CTNND2: variants seen among roughly 807,000 people sequenced by gnomAD.
The protein encoded by CTNND2 is catenin delta-2.
In CTNND2, 22 loss-of-function variants were observed where a neutral mutation model predicts 144.4. The observed-to-expected ratio is 0.15, with a 90% CI of 0.11 to 0.22. The LOEUF (loss-of-function observed/expected upper bound fraction) is 0.22. Ranked by LOEUF, CTNND2 falls within the 10% of genes least tolerant of loss-of-function variation. The probability of loss-of-function intolerance (pLI) is 1.00; values close to 1 mark genes in which losing one functional copy is unlikely to be tolerated. For missense variants in CTNND2, 1,353 were observed against 1,618.8 expected (o/e 0.84, Z 2.82); for synonymous variants, 751 against 695.6 (o/e 1.08, Z -1.25).
At chr5:11,108,229 G>A (rs1234209535) in intron 14 of CTNND2, among the ~76,000 whole-genome samples, 1 of 152,218 alleles carries the variant, frequency 6.6e-6, no homozygotes, top group Non-Finnish European at 1.5e-5. Context: ...ATGAACAGAA[G>A]CGTAGAGGCT....
intron 8 of CTNND2, among the ~76,000 whole-genome samples, chr5:11,348,036 G>A (rs1372665178): frequency 6.6e-6 from 1 of 152,094 alleles, no homozygotes; most frequent in Non-Finnish European, 1.5e-5. Context: ...AGGAAATTAG[G>A]TTCCGTGACA....
intron 18 of CTNND2, among the ~76,000 whole-genome samples, chr5:10,994,492 G>C (rs1258528752): frequency 6.9e-6 from 1 of 145,814 alleles, no homozygotes; most frequent in East Asian, 2.1e-4. Flanking sequence ...GGAGGGGCGG[G>C]GTGGGTATAG....
chr5:11,176,686 G>A (rs1316385459), intron 11 of CTNND2, among the ~76,000 whole-genome samples: 2 of 152,002 alleles, frequency 1.3e-5, no homozygotes, highest in Admixed American at 6.6e-5. Flanking sequence ...TTGCAATAAT[G>A]GGAACTCAAG....
At chr5:11,063,555 G>T (rs536620616) in intron 16 of CTNND2, among the ~76,000 whole-genome samples, 2,055 of 106,722 alleles carry the variant, frequency 0.019, 42 homozygotes, top group African/African-American at 0.13. Context: ...ATTAATCAGG[G>T]TAAAATTTTC....
chr5:11,156,384 A>C (rs947330672), intron 12 of CTNND2, among the ~76,000 whole-genome samples: 5 of 152,200 alleles, frequency 3.3e-5, no homozygotes, highest in African/African-American at 1.2e-4. Flanking sequence ...AGGAAGAAAA[A>C]TCAAGAGTAA....
At chr5:11,049,434 A>G (rs895193029) in intron 16 of CTNND2, among the ~76,000 whole-genome samples, 5 of 152,250 alleles carry the variant, frequency 3.3e-5, no homozygotes, top group Admixed American at 3.3e-4. Context: ...GCATTGGCAC[A>G]GACAGTACAC....
chr5:11,739,471 G>A (rs1247292546), intron 1 of CTNND2, among the ~76,000 whole-genome samples: 1 of 152,182 alleles, frequency 6.6e-6, no homozygotes, highest in East Asian at 1.9e-4. Flanking sequence ...ATCTACCTAT[G>A]ACTCTTATGT....
intron 3 of CTNND2, among the ~76,000 whole-genome samples, chr5:11,510,712 C>G (rs1246294921): frequency 6.6e-6 from 1 of 152,190 alleles, no homozygotes; most frequent in Non-Finnish European, 1.5e-5. Context: ...GGGCGGATCA[C>G]TTGAGGCCAG....
chr5:11,112,543 T>C (rs1345887996), intron 13 of CTNND2, among the ~76,000 whole-genome samples: 1 of 152,212 alleles, frequency 6.6e-6, no homozygotes, highest in Non-Finnish European at 1.5e-5. Flanking sequence ...AGCTATAAGA[T>C]CATAAATGTG....
chr5:11,019,980 A>T (rs1365086525), intron 17 of CTNND2, among the ~76,000 whole-genome samples: 3 of 152,232 alleles, frequency 2.0e-5, no homozygotes, highest in Admixed American at 6.5e-5. Context: ...CGAGTATAAG[A>T]CTACTATAAG....
chr5:11,895,667 C>A (rs1052146370), intron 1 of CTNND2, among the ~76,000 whole-genome samples: 1 of 79,256 alleles, frequency 1.3e-5, no homozygotes, highest in African/African-American at 3.2e-5. Flanking sequence ...AATTATGCTC[C>A]CAAAATAGGA....
chr5:11,529,521 A>G (rs1773552865), intron 3 of CTNND2, among the ~76,000 whole-genome samples: 1 of 152,236 alleles, frequency 6.6e-6, no homozygotes, highest in East Asian at 1.9e-4. Context: ...AACTCACGGG[A>G]AAAAAAATGA....
At chr5:11,605,889 T>G (rs1306770182) in intron 2 of CTNND2, among the ~76,000 whole-genome samples, 1 of 152,140 alleles carries the variant, frequency 6.6e-6, no homozygotes, top group Non-Finnish European at 1.5e-5. Flanking sequence ...TTCACTGAGG[T>G]TCTACTGTGA....
At chr5:11,206,904 C>T (rs1738105081) in intron 10 of CTNND2, among the ~76,000 whole-genome samples, 1 of 152,174 alleles carries the variant, frequency 6.6e-6, no homozygotes, top group Non-Finnish European at 1.5e-5. Context: ...CACTTACTCT[C>T]TCTCTCTCTC....
chr5:11,421,651 C>A (rs73742836), intron 3 of CTNND2, among the ~76,000 whole-genome samples: 1 of 152,116 alleles, frequency 6.6e-6, no homozygotes, highest in Non-Finnish European at 1.5e-5. Context: ...CCAGGCATGG[C>A]GGTGTCTGCA....
chr5:11,086,816 T>G (rs1185894115), intron 15 of CTNND2, among the ~76,000 whole-genome samples: 1 of 152,228 alleles, frequency 6.6e-6, no homozygotes, highest in East Asian at 1.9e-4. Context: ...TCCCCCTTGC[T>G]GAAACTGAGG....
chr5:11,535,760 C>A (rs2150061845), intron 3 of CTNND2, among the ~76,000 whole-genome samples: 1 of 152,280 alleles, frequency 6.6e-6, no homozygotes, highest in Non-Finnish European at 1.5e-5. Context: ...TTACAAAGAT[C>A]TTTATTCCCC....
At chr5:11,667,684 G>T (rs1278409277) in intron 2 of CTNND2, among the ~76,000 whole-genome samples, 1 of 152,252 alleles carries the variant, frequency 6.6e-6, no homozygotes, top group Non-Finnish European at 1.5e-5. Flanking sequence ...CAGATGGATG[G>T]ATTGCAAAAA....
chr5:11,677,258 G>T (rs1431816890), intron 2 of CTNND2, among the ~76,000 whole-genome samples: 1 of 152,204 alleles, frequency 6.6e-6, no homozygotes, highest in Non-Finnish European at 1.5e-5. Context: ...TAAGGCAAAT[G>T]CCTCATCATA....
Sources: allele counts gnomAD v4.1 joint callset (sites outside exome capture counted in the v4.1 genomes callset), GRCh38; gene constraint gnomAD v4.1.1; transcripts MANE v1.5; gene names NCBI Gene and HGNC (gene_info 2026-07-23, HGNC 2026-07-21).